Variants in JAG2 observed in about 807,000 individuals in gnomAD.
JAG2 encodes the protein protein jagged-2.
JAG2 carries 46 observed loss-of-function variants against 141.7 expected under a neutral mutation model. The observed-to-expected ratio is 0.32, with a 90% CI of 0.26 to 0.42. The LOEUF (loss-of-function observed/expected upper bound fraction) is 0.42. Ranked by LOEUF, JAG2 falls within the 10% of genes least tolerant of loss-of-function variation. The probability of loss-of-function intolerance (pLI) is 1.00; values close to 1 mark genes in which losing one functional copy is unlikely to be tolerated. For missense variants in JAG2, 1,500 were observed against 1,817.5 expected (o/e 0.83, Z 3.18); for synonymous variants, 862 against 763.5 (o/e 1.13, Z -2.13).
Position 105,142,872 on chromosome 14 carries a change from G to GTCCTCCTCA in JAG2, c.3531_3539dup (p.Glu1179_Glu1181dup). The GTCCTCCTCA allele has an allele frequency of 6.2e-7, 1 of 1,606,516 alleles. No individual in the cohort carries two copies. The highest frequency in any genetic ancestry group is 8.5e-7 in the Non-Finnish European group (1 of 1,176,924). On this transcript the variant is annotated inframe_insertion, in exon 26 of 26. Coordinates refer to ENST00000331782, the MANE Select transcript of JAG2 (RefSeq NM_002226.5). The stretch of plus-strand genomic sequence containing the variant: ...CCTCCTCACCGCGGCCCAGATCCTC[G>GTCCTCCTCA]TCCTCCTCATCCTCCCTGACGGCCG...
chr14:105,160,971 C>T (rs905428041), intron 2 of JAG2, among the ~76,000 whole-genome samples: 1 of 152,130 alleles, frequency 6.6e-6, no homozygotes, highest in African/African-American at 2.4e-5. Flanking sequence ...CACAAGAAGG[C>T]CCAGGGGCTG....
At chr14:105,159,381 C>T (rs1888665765) in intron 2 of JAG2, among the ~76,000 whole-genome samples, 1 of 151,928 alleles carries the variant, frequency 6.6e-6, no homozygotes, top group Admixed American at 6.5e-5. Flanking sequence ...ACCCTCAATC[C>T]CACCTCTTAA....
intron 12 of JAG2, among the ~76,000 whole-genome samples, chr14:105,149,693 A>G (rs1327307455): frequency 6.7e-6 from 1 of 149,118 alleles, no homozygotes; most frequent in Non-Finnish European, 1.5e-5. Flanking sequence ...CCATGCTTGC[A>G]GGTCCTGAGG....
At chr14:105,161,769 T>C (rs1011084217) in intron 2 of JAG2, among the ~76,000 whole-genome samples, 8 of 152,218 alleles carry the variant, frequency 5.3e-5, no homozygotes, top group African/African-American at 1.9e-4. Context: ...CAGGACTCAG[T>C]TGCCTCCTCT....
intron 2 of JAG2, among the ~76,000 whole-genome samples, chr14:105,162,648 T>C (rs1268561270): frequency 7.2e-5 from 10 of 138,270 alleles, no homozygotes; most frequent in African/African-American, 2.1e-4. Context: ...CACCCCAAGG[T>C]CCAGGGCACC....
chr14:105,157,412 C>T (rs938674017), intron 3 of JAG2, among the ~76,000 whole-genome samples: 1 of 152,114 alleles, frequency 6.6e-6, no homozygotes, highest in African/African-American at 2.4e-5. Context: ...GGCCACAAAG[C>T]CAGAGACACA....
At chr14:105,145,208 G>T in intron 23 of JAG2, 147 bp from the exon 24 acceptor site, 1 of 1,126,652 alleles carries the variant, frequency 8.9e-7, no homozygotes, top group Non-Finnish European at 1.3e-6. Flanking sequence ...TGGGGGGGCA[G>T]CTTCCCACCC....
In JAG2 at chr14:105,168,369, CCAGCAG is replaced by C; in HGVS notation, c.46_51del (p.Leu16_Leu17del). On this transcript the variant is annotated inframe_deletion, in exon 1 of 26. Coordinates refer to ENST00000331782, the MANE Select transcript of JAG2 (RefSeq NM_002226.5). The stretch of plus-strand genomic sequence containing the variant: ...GCCCCGCTCACCTGCACCCAGAGCG[CCAGCAG>C]CAGCAGCAGCCGCCGGGGAAGGCGC... 2 of 1,012,216 alleles carry C rather than the reference CCAGCAG, an allele frequency of 2.0e-6. No individual in the cohort carries two copies. Among genetic ancestry groups the C allele is most frequent in the Non-Finnish European group, 2.4e-6 (2 of 820,326 alleles). 62.7% of individuals were successfully genotyped at this position (1,012,216 alleles called of 1,614,324 possible).
At position 105,148,729 on chromosome 14, in the gene JAG2, G is replaced by T. The variant is rs1401979483; in HGVS notation, c.2020+16C>A. On this transcript the variant is annotated intron_variant, in intron 15 of 25. Coordinates refer to ENST00000331782, the MANE Select transcript of JAG2 (RefSeq NM_002226.5). The stretch of plus-strand genomic sequence containing the variant: ...GTGGAGGCACAGGCCGTGTGGGCGG[G>T]TGCTGGAACACTCACTGGTGTCGCA... The T allele has an allele frequency of 1.9e-6, 3 of 1,547,694 alleles. No homozygotes were observed. Among genetic ancestry groups the T allele is most frequent in the Admixed American group, 1.9e-5 (1 of 51,874 alleles).
chr14:105,145,343 C>A (rs587688687), intron 23 of JAG2, among the ~76,000 whole-genome samples: 3 of 152,296 alleles, frequency 2.0e-5, no homozygotes, highest in Admixed American at 2.0e-4. Flanking sequence ...GGGTCTCCTC[C>A]AGTTCTGAGC....
Position 105,141,955 on chromosome 14 carries a change from G to A in JAG2, c.*740C>T, listed in dbSNP as rs587738122. ...GGATGGGAGAACTGCGCAGCAGGAA[G>A]GGCACTTCTGAAAGCACAGTGGAGA... On this transcript the variant is annotated 3_prime_UTR_variant, in exon 26 of 26. Coordinates refer to ENST00000331782, the MANE Select transcript of JAG2 (RefSeq NM_002226.5). 1 of 152,824 alleles carries A rather than the reference G, an allele frequency of 6.5e-6. No homozygotes were observed. The highest frequency in any genetic ancestry group is 6.5e-5 in the Admixed American group (1 of 15,312). The allele number at this position is 152,824 out of a possible 1,614,324, so 9.5% of individuals were successfully genotyped here.
At chr14:105,146,786 G>T in intron 20 of JAG2, 62 bp from the exon 21 acceptor site, 3 of 1,340,970 alleles carry the variant, frequency 2.2e-6, no homozygotes, top group East Asian at 2.4e-5. Context: ...GGACCGGCAT[G>T]GCCTAGGGCA....
At chr14:105,149,370 G>A (rs1164300022) in intron 12 of JAG2, 50 bp from the exon 13 acceptor site, 1 of 1,609,874 alleles carries the variant, frequency 6.2e-7, no homozygotes, top group Admixed American at 1.7e-5. Flanking sequence ...CCCAGGCCGG[G>A]AACACAGGCC....
intron 1 of JAG2, 67 bp from the exon 2 acceptor site, chr14:105,168,174 G>A (rs1196976428): frequency 3.0e-6 from 4 of 1,352,708 alleles, no homozygotes; most frequent in Admixed American, 3.3e-5. Context: ...GGCGCCAGGG[G>A]TGGGGGAACA....
At chr14:105,147,622 C>T (rs1459816139) in intron 18 of JAG2, 95 bp from the exon 19 acceptor site, 2 of 1,323,808 alleles carry the variant, frequency 1.5e-6, no homozygotes, top group Admixed American at 3.5e-5. Flanking sequence ...GGCTGTGGGG[C>T]TGGGGAGGGT....
Position 105,154,021 on chromosome 14 carries a change from C to A in JAG2, c.788+1541G>T, listed in dbSNP as rs993208871. ...GGGAATCCCTGTGTGTGCAAGTGAC[C>A]GGGTGGGCGGCCCCAGCCCTGCTTG... On this transcript the variant is annotated intron_variant, in intron 5 of 25. Transcript: ENST00000331782. The surrounding 1 kb of genome is among the most constrained non-coding windows in gnomAD (Gnocchi z 4.4). 2.0e-4 allele frequency among the ~76,000 whole-genome samples: 31 copies of A among 152,182 alleles called. No homozygotes were observed. The highest frequency in any genetic ancestry group is 6.5e-5 in the Admixed American group (1 of 15,276).
rs587630711 is a variant in JAG2 at position 105,148,122 on chromosome 14, C to T, written c.2242G>A (p.Ala748Thr). ...CPPGWKGSTC[A>T]VAKNSSCLPN... Reference sequence around the variant, plus strand: ...GGCAGCGGGGGCTCCTCACCGACGGCGCAGGTGCTGCCCTTCCAGCCGGGG... The same window carrying T: ...GGCAGCGGGGGCTCCTCACCGACGGTGCAGGTGCTGCCCTTCCAGCCGGGG... Residue 748 changes from alanine (A) to threonine (T), a missense_variant, in exon 17 of 26, where the codon GCC becomes ACC. This residue lies in a region of JAG2 where 875 missense variants were observed against 1,202.2 expected (regional missense o/e 0.73). Transcript: ENST00000331782. The T allele has an allele frequency of 2.3e-5, 35 of 1,547,592 alleles. No individual in the cohort carries two copies. The highest frequency in any genetic ancestry group is 1.5e-4 in the African/African-American group (11 of 73,088).
chr14:105,146,986 C>A (rs890792141), intron 20 of JAG2: 52 of 620,322 alleles, frequency 8.4e-5, no homozygotes, highest in Middle Eastern at 8.5e-4. Flanking sequence ...CTGCGTCGGA[C>A]CAGCCAAGGG....
In JAG2 at chr14:105,167,418, C is replaced by A. The variant is rs1213018680; in HGVS notation, c.417+339G>T. The stretch of plus-strand genomic sequence containing the variant: ...AGCACGCGCTGCGCACATGCCACCG[C>A]GGCCTGCCCGGGACCGGGGCGCCTC... On this transcript the variant is annotated intron_variant, in intron 2 of 25. Transcript: ENST00000331782. The surrounding 1 kb of genome is among the most constrained non-coding windows in gnomAD (Gnocchi z 4.8). Among the ~76,000 whole-genome samples, 2 of 151,962 alleles carry A rather than the reference C, an allele frequency of 1.3e-5. No individual in the cohort carries two copies. Among genetic ancestry groups the A allele is most frequent in the African/African-American group, 4.8e-5 (2 of 41,400 alleles).
Sources: gnomAD v4.1 joint callset for allele counts (sites outside exome capture counted in the v4.1 genomes callset) on GRCh38, gnomAD v4.1.1 for gene constraint, gnomAD v4.1.1 regional missense constraint, Gnocchi (gnomAD v3.1) non-coding constraint, MANE v1.5 for transcripts, NCBI Gene and HGNC (gene_info 2026-07-23, HGNC 2026-07-21) for gene names.